KCNH8: variants seen among roughly 807,000 people sequenced by gnomAD.
KCNH8 encodes potassium voltage-gated channel subfamily H member 8.
Under a neutral mutation model 103.6 loss-of-function variants are expected in KCNH8, and 70 were observed. The observed-to-expected ratio is 0.68, with a 90% confidence interval of 0.56 to 0.82. The LOEUF (loss-of-function observed/expected upper bound fraction) is 0.82. KCNH8 is among the 40% of genes least tolerant of loss of function. The pLI is 0.00. For synonymous variants in KCNH8, 498 were observed against 489.4 expected (o/e 1.02, Z -0.23); for missense variants, 1,217 against 1,329.9 (o/e 0.92, Z 1.32).
rs1057476911 is a variant in KCNH8 at position 19,282,797 on chromosome 3, A to G, written c.442+1468A>G. On this transcript the variant is annotated intron_variant, in intron 3 of 15. Coordinates refer to ENST00000328405, the MANE Select transcript of KCNH8 (RefSeq NM_144633.3). ...TTCATTTAGAGTTTGAGAGAGCTCA[A>G]TAAAAATACTCATTTTTGCCATCCA... Among the ~76,000 whole-genome samples, 5 of 152,226 alleles carry G rather than the reference A, an allele frequency of 3.3e-5. 1 individual carries two copies. The highest frequency in any genetic ancestry group is 3.3e-4 in the Admixed American group (5 of 15,266).
chr3:19,533,318 C>T, intron 15 of KCNH8, 77 bp from the exon 16 acceptor site: 1 of 854,742 alleles, frequency 1.2e-6, no homozygotes, highest in Non-Finnish European at 1.9e-6. Flanking sequence ...ATATCACTTC[C>T]CTGCTTCATT....
At chr3:19,371,565 G>A (rs1484450149) in intron 5 of KCNH8, among the ~76,000 whole-genome samples, 4 of 149,948 alleles carry the variant, frequency 2.7e-5, no homozygotes, top group East Asian at 2.0e-4. Flanking sequence ...TAGGTTGCCT[G>A]TTCACTCTGA....
At chr3:19,399,162 A>C (rs2066570575) in intron 7 of KCNH8, among the ~76,000 whole-genome samples, 1 of 151,980 alleles carries the variant, frequency 6.6e-6, no homozygotes, top group Admixed American at 6.6e-5. Flanking sequence ...GGGTAAGATT[A>C]AACACTGTAT....
intron 3 of KCNH8, among the ~76,000 whole-genome samples, chr3:19,302,461 A>G (rs1477597354): frequency 1.3e-5 from 2 of 152,142 alleles, no homozygotes; most frequent in South Asian, 2.1e-4. Flanking sequence ...GAAATTCTTT[A>G]AAGCTTTATT....
intron 8 of KCNH8, among the ~76,000 whole-genome samples, chr3:19,441,293 A>G (rs1329556296): frequency 6.6e-6 from 1 of 152,166 alleles, no homozygotes; most frequent in East Asian, 1.9e-4. Context: ...TCCAGCCCTA[A>G]GGGTTAAGCC....
chr3:19,298,219 A>G (rs752515332), intron 3 of KCNH8, among the ~76,000 whole-genome samples: 2 of 152,242 alleles, frequency 1.3e-5, no homozygotes, highest in Non-Finnish European at 1.5e-5. Context: ...TTTCTAAGGT[A>G]ACATCTTGTC....
At chr3:19,462,670 C>T (rs1251428863) in intron 11 of KCNH8, among the ~76,000 whole-genome samples, 1 of 152,116 alleles carries the variant, frequency 6.6e-6, no homozygotes, top group African/African-American at 2.4e-5. Context: ...TCAATTTTGG[C>T]TTTTGTTGCC....
intron 7 of KCNH8, among the ~76,000 whole-genome samples, chr3:19,402,767 T>C (rs897781342): frequency 2.0e-5 from 3 of 151,886 alleles, no homozygotes; most frequent in Non-Finnish European, 2.9e-5. Context: ...ACCTTATTAC[T>C]AGGTCACCCT....
intron 15 of KCNH8, among the ~76,000 whole-genome samples, chr3:19,522,710 T>C (rs1462510434): frequency 6.6e-6 from 1 of 151,868 alleles, no homozygotes; most frequent in African/African-American, 2.4e-5. Flanking sequence ...TGGCTTCCTC[T>C]ACAGTTGAAG....
rs765171515 is a variant in KCNH8, at chr3:19,513,115, T to A, written c.2225T>A (p.Val742Asp). The change falls in exon 13 of 16, where the codon GTT becomes GAT. Residue 742 changes from valine to aspartate, a missense_variant. Around this residue, in one of 3 missense-constraint regions of KCNH8, gnomAD observed 558 missense variants for 495.8 expected, o/e 1.13. Transcript: ENST00000328405. ...GGATCTTCTTCGCGCAACAAGAAGG[T>A]TGGAAGCAATAAAGCCTACCTGGGC... ...TRGSSSRNKK[V>D]GSNKAYLGLS... The A allele has an allele frequency of 6.2e-7, 1 of 1,613,808 alleles. No individual in the cohort carries two copies.
At chr3:19,212,216 C>T (rs1341527302) in intron 1 of KCNH8, among the ~76,000 whole-genome samples, 1 of 151,956 alleles carries the variant, frequency 6.6e-6, no homozygotes, top group African/African-American at 2.4e-5. Context: ...TTCATCACAA[C>T]TACATTAAGA....
intron 7 of KCNH8, among the ~76,000 whole-genome samples, chr3:19,414,598 T>C (rs974269362): frequency 3.3e-5 from 5 of 152,038 alleles, no homozygotes; most frequent in African/African-American, 7.2e-5. Context: ...CACAAAAGGA[T>C]TGAAAATAAA....
chr3:19,503,340 C>G (rs1559361448), intron 11 of KCNH8, among the ~76,000 whole-genome samples: 1 of 152,162 alleles, frequency 6.6e-6, no homozygotes, highest in Non-Finnish European at 1.5e-5. Flanking sequence ...GGACTGCAAC[C>G]TAGTTCAACC....
intron 6 of KCNH8, among the ~76,000 whole-genome samples, chr3:19,394,487 A>AAG (rs35675545): frequency 0.018 from 2,712 of 147,762 alleles, 63 homozygotes; most frequent in African/African-American, 0.056. Context: ...GAGAGAGAGA[A>AAG]AGAGAGAGAG....
intron 1 of KCNH8, among the ~76,000 whole-genome samples, chr3:19,178,922 G>A (rs928433872): frequency 1.3e-5 from 2 of 152,074 alleles, no homozygotes; most frequent in Admixed American, 6.6e-5. Context: ...GATGGATTAG[G>A]TAAGATGCGA....
rs772543258 is a variant in KCNH8, at chr3:19,281,183, T to TC, written c.311-14dup. 5.1e-5 allele frequency: 81 copies of TC among 1,602,654 alleles called. No homozygotes were observed. The highest frequency in any genetic ancestry group is 6.6e-5 in the Non-Finnish European group (78 of 1,175,414). The stretch of plus-strand genomic sequence containing the variant: ...GCAATGGTTGATTTGTATTTTTTTT[T>TC]CTTTACTGTTGCAGGGTCTCCATTT... On this transcript the variant is annotated splice_polypyrimidine_tract_variant and intron_variant, in intron 2 of 15. Transcript: ENST00000328405.
At chr3:19,171,257 T>G in intron 1 of KCNH8, among the ~76,000 whole-genome samples, 1 of 152,328 alleles carries the variant, frequency 6.6e-6, no homozygotes, top group Middle Eastern at 3.4e-3. Flanking sequence ...ATTAATCATA[T>G]AAATAAACAT....
intron 11 of KCNH8, among the ~76,000 whole-genome samples, chr3:19,501,679 A>G (rs2068586321): frequency 6.6e-6 from 1 of 152,258 alleles, no homozygotes; most frequent in Admixed American, 6.5e-5. Context: ...CAAAAACCAC[A>G]TGATTATCTC....
chr3:19,373,617 G>T (rs1410491599), intron 5 of KCNH8, among the ~76,000 whole-genome samples: 5 of 151,754 alleles, frequency 3.3e-5, no homozygotes, highest in African/African-American at 9.7e-5. Context: ...CTTCAGTTCT[G>T]CTCTGATCTT....
Sources: gnomAD v4.1 joint callset for allele counts (sites outside exome capture counted in the v4.1 genomes callset) on GRCh38, gnomAD v4.1.1 for gene constraint, gnomAD v4.1.1 regional missense constraint, MANE v1.5 for transcripts, NCBI Gene and HGNC (gene_info 2026-07-23, HGNC 2026-07-21) for gene names.